Variants in COL4A4 observed in about 807,000 individuals in gnomAD.
The protein encoded by COL4A4 is collagen alpha-4(IV) chain.
Under a neutral mutation model 192.9 loss-of-function variants are expected in COL4A4, and 105 were observed. The ratio of observed to expected loss-of-function variants is 0.54; its 90% CI spans 0.46 to 0.64. The LOEUF (loss-of-function observed/expected upper bound fraction) is 0.64, where lower values mean the gene tolerates loss of function less well. Ranked by LOEUF, COL4A4 falls within the 30% of genes least tolerant of loss-of-function variation. COL4A4 has a pLI of 0.00. For missense variants in COL4A4, 1,967 were observed against 2,169.3 expected (o/e 0.91, Z 1.85); for synonymous variants, 762 against 769.9 (o/e 0.99, Z 0.17).
chr2:227,056,497 A>G (rs1975399846), intron 29 of COL4A4, among the ~76,000 whole-genome samples: 1 of 152,226 alleles, frequency 6.6e-6, no homozygotes, highest in Non-Finnish European at 1.5e-5. Context: ...GTCTAACATT[A>G]TTGGTGCTAG....
At chr2:226,992,060 A>G in the COL4A4 span, among the ~76,000 whole-genome samples, 1 of 152,240 alleles carries the variant, frequency 6.6e-6, no homozygotes, top group African/African-American at 2.4e-5. Context: ...AAACACAAAG[A>G]TAAGACCCTT....
intron 3 of COL4A4, among the ~76,000 whole-genome samples, chr2:227,140,468 C>T (rs1455215302): frequency 3.3e-5 from 5 of 152,172 alleles, no homozygotes; most frequent in African/African-American, 1.2e-4. Context: ...AATAAGTATC[C>T]TTCTAAAGTC....
At chr2:227,088,612 G>A (rs1307561174) in intron 22 of COL4A4, 41 bp downstream of exon 22, 4 of 1,608,618 alleles carry the variant, frequency 2.5e-6, no homozygotes, top group South Asian at 1.1e-5. Flanking sequence ...CTAATACCAT[G>A]TCTCTTTTAA....
intron 4 of COL4A4, among the ~76,000 whole-genome samples, chr2:227,124,122 A>G (rs1173713934): frequency 6.6e-6 from 1 of 152,230 alleles, no homozygotes; most frequent in Non-Finnish European, 1.5e-5. Context: ...AGTATGTCAT[A>G]TAATCCCACC....
At chr2:227,069,502 T>C (rs2058573685) in intron 25 of COL4A4, among the ~76,000 whole-genome samples, 2 of 151,456 alleles carry the variant, frequency 1.3e-5, no homozygotes. Context: ...AACAGCATGG[T>C]ACTGGTACCA....
At chr2:227,158,561 C>G (rs1353133170) in intron 1 of COL4A4, among the ~76,000 whole-genome samples, 1 of 151,928 alleles carries the variant, frequency 6.6e-6, no homozygotes, top group African/African-American at 2.4e-5. Flanking sequence ...AGAAAATACT[C>G]ACAATACTTG....
At chr2:227,157,169 T>G (rs1166716357) in intron 1 of COL4A4, among the ~76,000 whole-genome samples, 1 of 152,082 alleles carries the variant, frequency 6.6e-6, no homozygotes, top group Non-Finnish European at 1.5e-5. Flanking sequence ...TCTAGGAAAG[T>G]CCCAAATATT....
At chr2:226,975,083 T>C in the COL4A4 span, among the ~76,000 whole-genome samples, 4 of 152,176 alleles carry the variant, frequency 2.6e-5, no homozygotes, top group Middle Eastern at 3.2e-3. Flanking sequence ...AGCTCCTCCT[T>C]CCATTTAGTT....
chr2:227,148,252 G>A (rs957835057), intron 1 of COL4A4, among the ~76,000 whole-genome samples: 17 of 152,114 alleles, frequency 1.1e-4, no homozygotes, highest in African/African-American at 1.9e-4. Context: ...AACACAACCC[G>A]CATGTCCATC....
Position 227,132,753 on chromosome 2 carries a change from C to T in COL4A4, c.192+7408G>A, listed in dbSNP as rs181142364. Among the ~76,000 whole-genome samples the T allele has an allele frequency of 1.9e-3, 290 of 151,828 alleles. 1 individual carries two copies. The highest frequency in any genetic ancestry group is 6.5e-3 in the African/African-American group (271 of 41,420). ...ATTGCACCACTGCACTCCAGCCTGG[C>T]AACAGAGCAAGACTCTGTCTAAAAA... On this transcript the variant is annotated intron_variant, in intron 4 of 47. Transcript: ENST00000396625.
chr2:227,083,721 T>C (rs1055731198), intron 22 of COL4A4, among the ~76,000 whole-genome samples: 1 of 152,226 alleles, frequency 6.6e-6, no homozygotes, highest in Non-Finnish European at 1.5e-5. Context: ...GTGTTGAGGC[T>C]ACAGGAGTAA....
chr2:227,043,610 A>C (rs1336006493), intron 35 of COL4A4, among the ~76,000 whole-genome samples: 1 of 152,186 alleles, frequency 6.6e-6, no homozygotes, highest in Non-Finnish European at 1.5e-5. Flanking sequence ...AATGCTCTTT[A>C]TATCTCTTGT....
chr2:227,095,006 A>T lies in COL4A4; in HGVS notation c.1205-717T>A, dbSNP rs1255882283. Among the ~76,000 whole-genome samples the T allele has an allele frequency of 2.6e-5, 4 of 152,352 alleles. No homozygotes were observed. In the East Asian group the frequency reaches 7.7e-4, roughly 29 times the overall value. ...TAAACTGCATTAAAAGAAAAAACAT[A>T]GCTCAAAAATAAAGACAATATCCCA... On this transcript the variant is annotated intron_variant, in intron 19 of 47. Coordinates refer to ENST00000396625, the MANE Select transcript of COL4A4 (RefSeq NM_000092.5).
chr2:227,103,981 T>A lies in COL4A4; in HGVS notation c.807A>T (p.Lys269Asn). The change falls in exon 13 of 48, where the codon AAA (lysine) becomes AAT (asparagine). Residue 269 changes from lysine to asparagine, a missense_variant. Coordinates refer to ENST00000396625, the MANE Select transcript of COL4A4 (RefSeq NM_000092.5). ...LVEPPDFCLY[K>N]GEKGIKGIPG... ...TGGATTTGGGAATTACCTTTTCTCC[T>A]TTATAGAGACAAAAGTCAGGTGGCT... 6.2e-7 allele frequency: 1 copy of A among 1,613,018 alleles called. No homozygotes were observed. Among genetic ancestry groups the A allele is most frequent in the South Asian group, 1.1e-5 (1 of 91,064 alleles).
chr2:227,103,819 G>A (rs780100716), intron 13 of COL4A4, among the ~76,000 whole-genome samples, 153 bp downstream of exon 13: 4 of 152,144 alleles, frequency 2.6e-5, no homozygotes, highest in Middle Eastern at 3.2e-3. Context: ...AATGCCGCAC[G>A]ATGGGGCCAA....
At chr2:227,039,501 G>A (rs1970362775) in intron 37 of COL4A4, among the ~76,000 whole-genome samples, 1 of 152,182 alleles carries the variant, frequency 6.6e-6, no homozygotes, top group Non-Finnish European at 1.5e-5. Context: ...ATGCCATACT[G>A]AAGTTATGTG....
intron 25 of COL4A4, among the ~76,000 whole-genome samples, chr2:227,074,431 AACACTTAT>A (rs2058905959): frequency 6.6e-6 from 1 of 152,152 alleles, no homozygotes; most frequent in African/African-American, 2.4e-5. Flanking sequence ...GAGAAAAGGG[AACACTTAT>A]ACAATGCTGA....
chr2:227,047,385 T>G, intron 35 of COL4A4, 90 bp downstream of exon 35: 1 of 912,404 alleles, frequency 1.1e-6, no homozygotes, highest in Non-Finnish European at 1.8e-6. Flanking sequence ...AAGAAAATAT[T>G]GATACGATCA....
In COL4A4 at chr2:227,022,471, C is replaced by T. The variant is rs141429661; in HGVS notation, c.4091-298G>A. On this transcript the variant is annotated intron_variant, in intron 43 of 47. Transcript: ENST00000396625. ...ATGAAACAGTGAAGGTCGGATGATG[C>T]AGCAACGTGATGACCCTCACAGGAT... The T allele has an allele frequency of 1.4e-4, 87 of 609,592 alleles. No individual in the cohort carries two copies. The African/African-American group carries it at 1.5e-3, about 10-fold the overall frequency. The allele number at this position is 609,592 out of a possible 1,614,324, so 37.8% of individuals were successfully genotyped here.
Sources: allele counts gnomAD v4.1 joint callset (sites outside exome capture counted in the v4.1 genomes callset), GRCh38; gene constraint gnomAD v4.1.1; transcripts MANE v1.5; gene names NCBI Gene and HGNC (gene_info 2026-07-23, HGNC 2026-07-21).